SEMA5A: variants seen among roughly 807,000 people sequenced by gnomAD.
SEMA5A encodes the protein semaphorin-5A.
SEMA5A carries 55 observed loss-of-function variants against 135.5 expected under a neutral mutation model. The ratio of observed to expected loss-of-function variants is 0.41; its 90% CI spans 0.33 to 0.51. The LOEUF (loss-of-function observed/expected upper bound fraction) is 0.51. Among genes scored for constraint, SEMA5A ranks in the 20% least tolerant of loss-of-function variants. The probability of loss-of-function intolerance (pLI) is 0.37; values close to 1 mark genes in which losing one functional copy is unlikely to be tolerated. For missense variants in SEMA5A, 1,290 were observed against 1,419.9 expected, an observed-to-expected ratio of 0.91 and a Z score of 1.47; for synonymous variants, 580 against 546.5, an observed-to-expected ratio of 1.06 and a Z score of -0.85.
intron 12 of SEMA5A, among the ~76,000 whole-genome samples, chr5:9,145,183 A>C (rs1020164410): frequency 4.6e-5 from 7 of 152,222 alleles, no homozygotes; most frequent in Admixed American, 3.9e-4. Flanking sequence ...GACCTGCATG[A>C]ACTGAGTATA....
chr5:9,242,393 C>T (rs1459115976), intron 5 of SEMA5A, among the ~76,000 whole-genome samples: 2 of 152,208 alleles, frequency 1.3e-5, no homozygotes, highest in African/African-American at 4.8e-5. Flanking sequence ...TTCGATGTTC[C>T]TCTGCCTTTA....
chr5:9,520,512 G>A (rs192347005), intron 1 of SEMA5A, among the ~76,000 whole-genome samples: 97 of 152,262 alleles, frequency 6.4e-4, no homozygotes, highest in African/African-American at 2.1e-3. Context: ...GCTCAGAGCA[G>A]GGAGGTGGGA....
At chr5:9,333,594 G>A (rs937099060) in intron 4 of SEMA5A, among the ~76,000 whole-genome samples, 4 of 152,170 alleles carry the variant, frequency 2.6e-5, no homozygotes, top group African/African-American at 9.6e-5. Context: ...CAAGTGTGTG[G>A]AGTGTTATCA....
intron 13 of SEMA5A, among the ~76,000 whole-genome samples, chr5:9,129,435 A>G (rs1376641286): frequency 6.6e-6 from 1 of 152,252 alleles, no homozygotes; most frequent in Non-Finnish European, 1.5e-5. Flanking sequence ...TTAGAAAAGT[A>G]CATGGGTCTT....
At chr5:9,128,834 G>A (rs1275765858) in intron 13 of SEMA5A, among the ~76,000 whole-genome samples, 1 of 152,012 alleles carries the variant, frequency 6.6e-6, no homozygotes, top group African/African-American at 2.4e-5. Flanking sequence ...ATTGACATTT[G>A]GGCTGGATAA....
At chr5:9,381,942 T>TTTTG (rs3221787) in intron 2 of SEMA5A, among the ~76,000 whole-genome samples, 4 of 109,304 alleles carry the variant, frequency 3.7e-5, no homozygotes, top group African/African-American at 7.1e-5. Flanking sequence ...TAGAATCATT[T>TTTTG]TGTGTGTGTG....
At chr5:9,386,382 A>C (rs865922103) in intron 2 of SEMA5A, among the ~76,000 whole-genome samples, 1 of 152,206 alleles carries the variant, frequency 6.6e-6, no homozygotes, top group Non-Finnish European at 1.5e-5. Flanking sequence ...TTTCAAAAAA[A>C]AATCATGCTT....
rs1314653012 is a variant in SEMA5A, at chr5:9,154,091, A to ATGTGTG, written c.1481+396_1481+397insCACACA. 8.6e-3 allele frequency among the ~76,000 whole-genome samples: 686 copies of ATGTGTG among 80,102 alleles called. 9 individuals carry two copies. Among genetic ancestry groups the ATGTGTG allele is most frequent in the East Asian group, 0.059 (106 of 1,810 alleles). 52.6% of individuals were successfully genotyped at this position (80,102 alleles called of 152,430 possible). ...TATATATATATATATATATATATAT[A>ATGTGTG]TATGTGTGTGTGTGTATGTGTGTGT... On this transcript the variant is annotated intron_variant, in intron 12 of 22. Transcript: ENST00000382496.
At chr5:9,414,912 G>A (rs1246256746) in intron 2 of SEMA5A, among the ~76,000 whole-genome samples, 1 of 152,150 alleles carries the variant, frequency 6.6e-6, no homozygotes, top group Admixed American at 6.5e-5. Flanking sequence ...AAACACCTAG[G>A]ACAGTGCCTG....
intron 16 of SEMA5A, among the ~76,000 whole-genome samples, chr5:9,085,719 G>A (rs566641945): frequency 6.6e-6 from 1 of 152,342 alleles, no homozygotes; most frequent in East Asian, 1.9e-4. Flanking sequence ...CCCCCTCACA[G>A]TGTCCCTACT....
Position 9,337,897 on chromosome 5 carries a change from G to C in SEMA5A, c.125-85C>G, listed in dbSNP as rs377523434. On this transcript the variant is annotated intron_variant, in intron 3 of 22. Coordinates refer to ENST00000382496, the MANE Select transcript of SEMA5A (RefSeq NM_003966.3). The stretch of plus-strand genomic sequence containing the variant: ...CACAGATAGTGCACATCAGGTAGCA[G>C]ACGTTACATTTCAGAGAGGATTCGG... 5.8e-5 allele frequency: 52 copies of C among 900,472 alleles called. No individual in the cohort carries two copies. In the East Asian group the frequency reaches 7.1e-4, roughly 12 times the overall value. 55.8% of individuals were successfully genotyped at this position (900,472 alleles called of 1,614,324 possible).
intron 5 of SEMA5A, among the ~76,000 whole-genome samples, chr5:9,305,171 T>C (rs1025671517): frequency 1.3e-5 from 2 of 152,156 alleles, no homozygotes; most frequent in African/African-American, 4.8e-5. Flanking sequence ...GTGTTAACCA[T>C]TCATATATTT....
intron 12 of SEMA5A, 123 bp from the exon 13 acceptor site, chr5:9,136,744 G>T (rs1741780841): frequency 5.3e-6 from 4 of 756,036 alleles, no homozygotes; most frequent in South Asian, 1.6e-5. Flanking sequence ...AGCCCAATGG[G>T]TATTTAGGCT....
intron 3 of SEMA5A, 30 bp from the exon 4 acceptor site, chr5:9,337,842 A>C: frequency 6.9e-7 from 1 of 1,453,620 alleles, no homozygotes; most frequent in Non-Finnish European, 9.5e-7. Context: ...AAATAAAAAG[A>C]TAAAAATGAA....
Position 9,214,651 on chromosome 5 carries a change from G to A in SEMA5A, c.646+10023C>T, listed in dbSNP as rs181837166. 2.6e-5 allele frequency among the ~76,000 whole-genome samples: 4 copies of A among 152,242 alleles called. No individual in the cohort carries two copies. In the East Asian group the frequency reaches 7.7e-4, roughly 29 times the overall value. On this transcript the variant is annotated intron_variant, in intron 8 of 22. Coordinates refer to ENST00000382496, the MANE Select transcript of SEMA5A (RefSeq NM_003966.3). ...CATGGAAAAGCCAGTATCATCATTTGCCTGAAGATTAGTTCTGAAACTCTG... is the reference window on the plus strand; with the variant it reads ...CATGGAAAAGCCAGTATCATCATTTACCTGAAGATTAGTTCTGAAACTCTG...
intron 11 of SEMA5A, among the ~76,000 whole-genome samples, chr5:9,187,462 T>C (rs1388390877): frequency 3.3e-5 from 5 of 152,172 alleles, no homozygotes; most frequent in African/African-American, 4.8e-5. Context: ...GGTCACTGCA[T>C]ATGGTTTGGA....
intron 16 of SEMA5A, among the ~76,000 whole-genome samples, chr5:9,069,587 AT>A: frequency 6.6e-6 from 1 of 152,106 alleles, no homozygotes; most frequent in Non-Finnish European, 1.5e-5. Flanking sequence ...CAATGCATTT[AT>A]TTTTTATTTT....
intron 16 of SEMA5A, among the ~76,000 whole-genome samples, chr5:9,088,302 CAA>C (rs58686803): frequency 1.6e-4 from 11 of 68,340 alleles, no homozygotes; most frequent in South Asian, 4.3e-4. Flanking sequence ...GACTCCATCT[CAA>C]AAAAAAAAAA....
intron 8 of SEMA5A, among the ~76,000 whole-genome samples, chr5:9,221,825 T>C (rs1014718317): frequency 6.6e-6 from 1 of 151,900 alleles, no homozygotes; most frequent in South Asian, 2.1e-4. Context: ...CTCTGTAAAG[T>C]AGGAGGAAAG....
Sources: gnomAD v4.1 joint callset for allele counts (sites outside exome capture counted in the v4.1 genomes callset) on GRCh38, gnomAD v4.1.1 for gene constraint, MANE v1.5 for transcripts, NCBI Gene and HGNC (gene_info 2026-07-23, HGNC 2026-07-21) for gene names.